The following TCF7 variants were observed in gnomAD, a reference collection of about 807,000 sequenced individuals.
The protein encoded by TCF7 is T-cell-factor-7.
TCF7 carries 19 observed loss-of-function variants against 46.8 expected under a neutral mutation model. The ratio of observed to expected loss-of-function variants is 0.41; its 90% CI spans 0.28 to 0.60. TCF7 has a LOEUF of 0.60. Among genes scored for constraint, TCF7 ranks in the 20% least tolerant of loss-of-function variants. The pLI, the probability that TCF7 is intolerant of heterozygous loss-of-function variation, is 0.35. For synonymous variants in TCF7, 245 were observed against 213.4 expected, an observed-to-expected ratio of 1.15 and a Z score of -1.29; for missense variants, 547 against 504.6, an observed-to-expected ratio of 1.08 and a Z score of -0.81.
At chr5:134,139,154 T>C (rs1759351625) in intron 5 of TCF7, 116 bp downstream of exon 5, 1 of 1,466,502 alleles carries the variant, frequency 6.8e-7, no homozygotes, top group Non-Finnish European at 9.1e-7. Flanking sequence ...CAGCTCTGTT[T>C]AGATGCCAGG....
rs760014270 is a variant in TCF7, at chr5:134,115,997, G to A, written c.405G>A (p.Ser135=). ...FNLLMHYPPP[S]GAGQHPQPQP... ...TGCTCATGCATTACCCACCCCCCTC[G>A]GGAGCAGGGCAGCACCCCCAGCCGC... Residue 135 remains serine, a synonymous_variant, in exon 3 of 10, where the codon TCG becomes TCA. Coordinates refer to ENST00000342854, the MANE Select transcript of TCF7 (RefSeq NM_003202.5). The A allele has an allele frequency of 1.2e-6, 2 of 1,613,426 alleles. No homozygotes were observed. The highest frequency in any genetic ancestry group is 1.7e-5 in the Admixed American group (1 of 59,986).
chr5:134,116,108 G>T (rs947445197), intron 3 of TCF7, 75 bp downstream of exon 3: 24 of 1,520,110 alleles, frequency 1.6e-5, no homozygotes, highest in Admixed American at 1.1e-4. Context: ...ACCGGCAAGA[G>T]ACTTCTGCCT....
At chr5:134,115,847 A>C (rs1755739135) in intron 2 of TCF7, 62 bp from the exon 3 acceptor site, 1 of 1,608,590 alleles carries the variant, frequency 6.2e-7, no homozygotes, top group Non-Finnish European at 8.5e-7. Flanking sequence ...TCAAGAGCAG[A>C]CAGCCTTCAG....
chr5:134,144,277 C>T (rs1760332074), intron 9 of TCF7: 1 of 166,422 alleles, frequency 6.0e-6, no homozygotes, highest in African/African-American at 2.4e-5. Context: ...GGCAGAGTTC[C>T]TAGCCCTTTT....
chr5:134,138,248 C>A, intron 4 of TCF7, 84 bp downstream of exon 4: 1 of 1,279,540 alleles, frequency 7.8e-7, no homozygotes, highest in South Asian at 1.3e-5. Context: ...GTAGCTGGGT[C>A]CATTTTATAA....
intron 6 of TCF7, 95 bp from the exon 7 acceptor site, chr5:134,142,626 C>T (rs1760009929): frequency 6.7e-7 from 1 of 1,483,472 alleles, no homozygotes; most frequent in Non-Finnish European, 9.1e-7. Context: ...TGGTATCATA[C>T]ACTTAGGCAC....
rs1192991261 is a variant in TCF7, at chr5:134,115,991, C to T, written c.399C>T (p.Pro133=). The stretch of plus-strand genomic sequence containing the variant: ...TCAATCTGCTCATGCATTACCCACC[C>T]CCCTCGGGAGCAGGGCAGCACCCCC... The part of the protein sequence containing the change: ...SAFNLLMHYP[P]PSGAGQHPQP... The change falls in exon 3 of 10, where the codon CCC becomes CCT. Residue 133 remains proline, a synonymous_variant. Coordinates refer to ENST00000342854, the MANE Select transcript of TCF7 (RefSeq NM_003202.5). The T allele has an allele frequency of 1.2e-6, 2 of 1,613,640 alleles. No homozygotes were observed. Among genetic ancestry groups the T allele is most frequent in the African/African-American group, 2.7e-5 (2 of 74,936 alleles).
intron 3 of TCF7, among the ~76,000 whole-genome samples, chr5:134,137,450 G>T (rs1759060390): frequency 7.0e-6 from 1 of 143,068 alleles, no homozygotes; most frequent in African/African-American, 2.6e-5. Flanking sequence ...AAAAAAAACA[G>T]AGAAAAAAGA....
upstream of TCF7, among the ~76,000 whole-genome samples, chr5:134,111,394 T>G (rs949592881): frequency 6.6e-6 from 1 of 152,182 alleles, no homozygotes; most frequent in African/African-American, 2.4e-5. Flanking sequence ...CAGCTGGTCC[T>G]GGTCCTGAAA....
chr5:134,139,523 C>T (rs1256744375), intron 5 of TCF7: 2 of 156,146 alleles, frequency 1.3e-5, no homozygotes, highest in Non-Finnish European at 2.8e-5. Context: ...CCTCCCTGCC[C>T]CTGTGGTGCC....
chr5:134,138,454 T>A (rs1436486810), intron 4 of TCF7: 4 of 359,928 alleles, frequency 1.1e-5, no homozygotes, highest in Non-Finnish European at 2.0e-5. Context: ...AACTGTAGCC[T>A]TTCCTCCTCT....
In TCF7 at chr5:134,148,052, G is replaced by C. The variant is rs985972284; in HGVS notation, c.*1749G>C. 2 of 150,414 alleles carry C rather than the reference G, an allele frequency of 1.3e-5. No individual in the cohort carries two copies. Among genetic ancestry groups the C allele is most frequent in the African/African-American group, 2.5e-5 (1 of 40,560 alleles). The allele number at this position is 150,414 out of a possible 1,614,324, so 9.3% of individuals were successfully genotyped here. On this transcript the variant is annotated 3_prime_UTR_variant, in exon 10 of 10. Coordinates refer to ENST00000342854, the MANE Select transcript of TCF7 (RefSeq NM_003202.5). ...AAAAAAGCCTTTAGTTCCTACTTTAGCCACTGGTTTCTCAGAATCCAAAGA... is the reference window on the plus strand; with the variant it reads ...AAAAAAGCCTTTAGTTCCTACTTTACCCACTGGTTTCTCAGAATCCAAAGA...
At chr5:134,140,016 C>T (rs924838478) in intron 5 of TCF7, among the ~76,000 whole-genome samples, 1 of 152,190 alleles carries the variant, frequency 6.6e-6, no homozygotes. Context: ...TCAAAAGCAT[C>T]CCCTAGGCCA....
At chr5:134,140,759 C>A in intron 5 of TCF7, 1 of 455,328 alleles carries the variant, frequency 2.2e-6, no homozygotes. Context: ...GTCTGGCCAG[C>A]AGCCAGACTG....
chr5:134,110,585 G>A (rs983855335), upstream of TCF7, among the ~76,000 whole-genome samples: 9 of 152,262 alleles, frequency 5.9e-5, no homozygotes, highest in African/African-American at 1.2e-4. Flanking sequence ...ACCTGTAACC[G>A]GGTTTTGCCC....
chr5:134,136,538 AG>A (rs926611483), intron 3 of TCF7, among the ~76,000 whole-genome samples: 3 of 152,100 alleles, frequency 2.0e-5, no homozygotes, highest in African/African-American at 7.2e-5. Context: ...TGCCAGCAAC[AG>A]GGCTGTTGCT....
At chr5:134,110,478 A>G (rs1434177800), upstream of TCF7, among the ~76,000 whole-genome samples, 1 of 152,224 alleles carries the variant, frequency 6.6e-6, no homozygotes, top group Non-Finnish European at 1.5e-5. Context: ...CTACATGCAC[A>G]CACATGGACA....
intron 3 of TCF7, among the ~76,000 whole-genome samples, chr5:134,132,394 AC>A (rs1464313274): frequency 2.0e-5 from 3 of 152,204 alleles, no homozygotes; most frequent in Admixed American, 6.5e-5. Context: ...ACCAAATGGT[AC>A]CAATAGCGAC....
In TCF7 at chr5:134,146,831, T is replaced by C; in HGVS notation, c.*528T>C. 1 of 412,122 alleles carries C rather than the reference T, an allele frequency of 2.4e-6. No individual in the cohort carries two copies. The highest frequency in any genetic ancestry group is 4.4e-6 in the Non-Finnish European group (1 of 228,442). 25.5% of individuals were successfully genotyped at this position (412,122 alleles called of 1,614,324 possible). A position where few individuals can be genotyped will look rare whatever the true frequency, so the allele number is the denominator to read the frequency against. On this transcript the variant is annotated 3_prime_UTR_variant, in exon 10 of 10. Coordinates refer to ENST00000342854, the MANE Select transcript of TCF7 (RefSeq NM_003202.5). ...GCCTCTGCCTCCCTAGCTTTTCTGC[T>C]ATAGGTCAGAGATGGGCTGAACTGA... is the stretch of plus-strand genomic sequence containing the variant.
Sources: allele counts gnomAD v4.1 joint callset (sites outside exome capture counted in the v4.1 genomes callset), GRCh38; gene constraint gnomAD v4.1.1; transcripts MANE v1.5; gene names NCBI Gene and HGNC (gene_info 2026-07-23, HGNC 2026-07-21).